The following RCAN2 variants were observed in gnomAD, a reference collection of about 807,000 sequenced individuals.
RCAN2 encodes regulator of calcineurin 2, also known as calcipressin-2.
A neutral mutation model predicts 23.6 loss-of-function variants in RCAN2; 9 were observed. That is an observed-to-expected ratio of 0.38 (90% confidence interval 0.23 to 0.67). The LOEUF is 0.67. RCAN2 is among the 30% of genes least tolerant of loss of function. The probability of loss-of-function intolerance (pLI) is 0.51; values close to 1 mark genes in which losing one functional copy is unlikely to be tolerated. For synonymous variants in RCAN2, 109 were observed against 115.7 expected, an observed-to-expected ratio of 0.94 and a Z score of 0.37; for missense variants, 273 against 302.3, an observed-to-expected ratio of 0.90 and a Z score of 0.72.
At chr6:46,468,489 C>A (rs554053100) in intron 1 of RCAN2, among the ~76,000 whole-genome samples, 3 of 152,306 alleles carry the variant, frequency 2.0e-5, no homozygotes, top group South Asian at 2.1e-4. Context: ...CCACCACAGC[C>A]GCGCCAACGC....
intron 2 of RCAN2, among the ~76,000 whole-genome samples, chr6:46,398,686 C>T (rs539627433): frequency 1.3e-5 from 2 of 152,166 alleles, no homozygotes; most frequent in African/African-American, 4.8e-5. Flanking sequence ...TAGATCCCTG[C>T]ACAAATTAAA....
At chr6:46,316,632 G>A (rs1236631101) in intron 2 of RCAN2, among the ~76,000 whole-genome samples, 1 of 152,240 alleles carries the variant, frequency 6.6e-6, no homozygotes, top group East Asian at 1.9e-4. Context: ...AGCCTAATCT[G>A]AGGCCGTGAC....
intron 2 of RCAN2, among the ~76,000 whole-genome samples, chr6:46,256,437 T>C (rs754774632): frequency 1.3e-5 from 2 of 151,898 alleles, no homozygotes; most frequent in Non-Finnish European, 2.9e-5. Context: ...TGTCTGAAGA[T>C]GTGCATGTGC....
At chr6:46,394,396 C>T (rs1374859866) in intron 2 of RCAN2, among the ~76,000 whole-genome samples, 1 of 147,404 alleles carries the variant, frequency 6.8e-6, no homozygotes, top group Non-Finnish European at 1.5e-5. Context: ...ATGTTAGTTT[C>T]ACATTTATGA....
intron 1 of RCAN2, among the ~76,000 whole-genome samples, chr6:46,458,944 C>T (rs1386292802): frequency 3.9e-5 from 6 of 152,204 alleles, no homozygotes; most frequent in African/African-American, 1.4e-4. Context: ...CAGGCTGGAG[C>T]GCAATGGCGC....
At chr6:46,271,623 A>G (rs1225026748) in intron 2 of RCAN2, among the ~76,000 whole-genome samples, 2 of 152,158 alleles carry the variant, frequency 1.3e-5, no homozygotes, top group Non-Finnish European at 2.9e-5. Context: ...GCAGCTGTAT[A>G]ACAAAAATTT....
At chr6:46,430,979 T>C (rs1397414278) in intron 2 of RCAN2, among the ~76,000 whole-genome samples, 5 of 152,128 alleles carry the variant, frequency 3.3e-5, no homozygotes, top group Admixed American at 3.3e-4. Context: ...CAGAGAAGAA[T>C]ATGGTTGATG....
At chr6:46,437,499 T>A (rs1309713642) in intron 2 of RCAN2, among the ~76,000 whole-genome samples, 1 of 152,194 alleles carries the variant, frequency 6.6e-6, no homozygotes, top group Non-Finnish European at 1.5e-5. Context: ...GTACATTGAG[T>A]GCAGATAATA....
chr6:46,416,764 C>T (rs1014141317), intron 2 of RCAN2, among the ~76,000 whole-genome samples: 3 of 152,080 alleles, frequency 2.0e-5, no homozygotes, highest in African/African-American at 7.2e-5. Context: ...TCAAGCGATC[C>T]GCCCACCTTG....
At chr6:46,412,993 T>C (rs1319892149) in intron 2 of RCAN2, among the ~76,000 whole-genome samples, 2 of 152,206 alleles carry the variant, frequency 1.3e-5, no homozygotes. Context: ...TGTTCTTATG[T>C]TTACTCTTAA....
At chr6:46,266,004 C>T (rs1336514622) in intron 2 of RCAN2, among the ~76,000 whole-genome samples, 3 of 152,128 alleles carry the variant, frequency 2.0e-5, no homozygotes, top group Non-Finnish European at 4.4e-5. Context: ...TCCTTATAGT[C>T]CAACTTATGG....
chr6:46,332,808 C>T (rs957020094), intron 2 of RCAN2, among the ~76,000 whole-genome samples: 3 of 152,106 alleles, frequency 2.0e-5, no homozygotes, highest in Non-Finnish European at 2.9e-5. Context: ...ATTTATAGTC[C>T]TTTGGGTATA....
At chr6:46,224,470 A>G (rs184638142) in intron 4 of RCAN2, among the ~76,000 whole-genome samples, 2 of 152,246 alleles carry the variant, frequency 1.3e-5, no homozygotes, top group East Asian at 3.9e-4. Flanking sequence ...TACCTGCATC[A>G]GTTCCTTCTT....
chr6:46,479,819 G>C (rs891815736), intron 1 of RCAN2, among the ~76,000 whole-genome samples: 2 of 152,066 alleles, frequency 1.3e-5, no homozygotes, highest in Non-Finnish European at 2.9e-5. Flanking sequence ...CTAACCTCAT[G>C]ATCTGCCCAT....
At chr6:46,273,288 AT>A (rs1738011836) in intron 2 of RCAN2, among the ~76,000 whole-genome samples, 1 of 152,226 alleles carries the variant, frequency 6.6e-6, no homozygotes, top group South Asian at 2.1e-4. Flanking sequence ...AGGGCACAGA[AT>A]TCACAATTTC....
At chr6:46,446,666 A>C (rs945478008) in intron 2 of RCAN2, among the ~76,000 whole-genome samples, 15 of 152,228 alleles carry the variant, frequency 9.9e-5, no homozygotes, top group African/African-American at 3.6e-4. Context: ...TAAGGGATAC[A>C]TAATATAAAA....
intron 2 of RCAN2, among the ~76,000 whole-genome samples, chr6:46,273,629 G>A (rs1767591118): frequency 6.6e-6 from 1 of 152,140 alleles, no homozygotes; most frequent in Non-Finnish European, 1.5e-5. Flanking sequence ...ATCTTGTGCA[G>A]CATTGTAAAA....
In RCAN2 at chr6:46,481,920, G is replaced by A. The variant is rs551830368; in HGVS notation, c.-3+9253C>T. 9.2e-5 allele frequency among the ~76,000 whole-genome samples: 14 copies of A among 152,292 alleles called. 1 individual carries two copies. The Middle Eastern group carries it at 0.01, about 111-fold the overall frequency. On this transcript the variant is annotated intron_variant, in intron 1 of 4. Coordinates refer to ENST00000371374, the MANE Select transcript of RCAN2 (RefSeq NM_001251974.2). Reference sequence around the variant, plus strand: ...ATAAAGAAAGAGGTATAGGAATGGTGTGTTTAAGCAATGATTAGGATATTA... The same window carrying A: ...ATAAAGAAAGAGGTATAGGAATGGTATGTTTAAGCAATGATTAGGATATTA...
At chr6:46,353,153 T>C (rs1325507369) in intron 2 of RCAN2, among the ~76,000 whole-genome samples, 1 of 152,158 alleles carries the variant, frequency 6.6e-6, no homozygotes, top group Non-Finnish European at 1.5e-5. Context: ...GGTGGGTTTT[T>C]AGTATGGTAA....
Sources: gnomAD v4.1 joint callset for allele counts (sites outside exome capture counted in the v4.1 genomes callset) on GRCh38, gnomAD v4.1.1 for gene constraint, MANE v1.5 for transcripts, NCBI Gene and HGNC (gene_info 2026-07-23, HGNC 2026-07-21) for gene names.